Variants in COMT observed in about 807,000 individuals in gnomAD.
COMT encodes catechol-O-methyltransferase, also known as catechol O-methyltransferase.
In COMT, 13 loss-of-function variants were observed where a neutral mutation model predicts 18.9. The ratio of observed to expected loss-of-function variants is 0.69; its 90% confidence interval spans 0.45 to 1.09. The LOEUF is 1.09. Ranked by LOEUF, COMT falls within the 50% of genes least tolerant of loss-of-function variation. The probability of loss-of-function intolerance (pLI) is 0.00; values close to 1 mark genes in which losing one functional copy is unlikely to be tolerated. For synonymous variants in COMT, 150 were observed against 160.9 expected, an observed-to-expected ratio of 0.93 and a Z score of 0.51; for missense variants, 329 against 361.8, an observed-to-expected ratio of 0.91 and a Z score of 0.73.
chr22:19,967,335 T>C, intron 5 of COMT: 1 of 648,138 alleles, frequency 1.5e-6, no homozygotes, highest in South Asian at 1.5e-5. Context: ...GCCTAGGCCA[T>C]TGTCCTCCTC....
intron 1 of COMT, among the ~76,000 whole-genome samples, chr22:19,952,953 AAAATAAAT>A (rs368190455): frequency 0.15 from 20,699 of 139,336 alleles, 1,625 homozygotes; most frequent in Middle Eastern, 0.21. Context: ...CCCGTCTCAA[AAAATAAAT>A]AAATAAATAA....
chr22:19,954,316 T>C (rs1241802720), intron 1 of COMT, among the ~76,000 whole-genome samples: 1 of 151,978 alleles, frequency 6.6e-6, no homozygotes, highest in Non-Finnish European at 1.5e-5. Flanking sequence ...CCTGGCCATC[T>C]GACCTTCCAT....
At chr22:19,948,785 C>T (rs174685) in intron 1 of COMT, among the ~76,000 whole-genome samples, 141,402 of 152,004 alleles carry the variant, frequency 0.93, 66,213 homozygotes, top group African/African-American at 0.99. Context: ...CAAAACCCCA[C>T]CTGTACTAAA....
chr22:19,963,722 C>T lies in COMT; in HGVS notation c.446C>T (p.Thr149Ile), dbSNP rs2047729050. The T allele has an allele frequency of 6.2e-7, 1 of 1,612,700 alleles. No individual in the cohort carries two copies. The highest frequency in any genetic ancestry group is 1.1e-5 in the South Asian group (1 of 91,068). ...ATCAACCCCGACTGTGCCGCCATCA[C>T]CCAGCGGATGGTGGATTTCGCTGGC... ...IEINPDCAAI[T>I]QRMVDFAGVK... Residue 149 changes from threonine to isoleucine, a missense_variant, in exon 4 of 6, where the codon ACC becomes ATC. Coordinates refer to ENST00000361682, the MANE Select transcript of COMT (RefSeq NM_000754.4).
At chr22:19,968,118 A>G (rs924848745) in intron 5 of COMT, among the ~76,000 whole-genome samples, 3 of 152,294 alleles carry the variant, frequency 2.0e-5, no homozygotes, top group South Asian at 2.1e-4. Context: ...GGTCAGGCCA[A>G]TATTGTCTCC....
intron 1 of COMT, among the ~76,000 whole-genome samples, chr22:19,959,272 G>T (rs1050791725): frequency 2.0e-5 from 3 of 152,234 alleles, no homozygotes; most frequent in Admixed American, 6.5e-5. Context: ...CCTGATTCTC[G>T]GCTTTTCAGG....
chr22:19,961,305 G>C lies in COMT; in HGVS notation c.-1+16G>C, dbSNP rs1391013447. The C allele has an allele frequency of 6.6e-6, 1 of 152,558 alleles. No homozygotes were observed. The highest frequency in any genetic ancestry group is 1.5e-5 in the Non-Finnish European group (1 of 68,294). 9.5% of individuals were successfully genotyped at this position (152,558 alleles called of 1,614,324 possible). ...TGCTTTGAAGGTGAGTTGGCCAACG[G>C]AAGCCGGGGCAGTGCCAGGGTGGGT... is the stretch of plus-strand genomic sequence containing the variant. On this transcript the variant is annotated intron_variant, in intron 2 of 5. Transcript: ENST00000361682.
At chr22:19,954,204 A>G (rs146682920) in intron 1 of COMT, among the ~76,000 whole-genome samples, 212 of 123,240 alleles carry the variant, frequency 1.7e-3, no homozygotes, top group African/African-American at 4.0e-3. Flanking sequence ...CCCTTTAGCT[A>G]TTAGGTATTG....
chr22:19,960,477 G>A (rs1391235229), intron 1 of COMT, among the ~76,000 whole-genome samples: 1 of 152,232 alleles, frequency 6.6e-6, no homozygotes, highest in Non-Finnish European at 1.5e-5. Context: ...CTTCCTGCCA[G>A]AATAAGGACA....
chr22:19,968,740 C>CG lies in COMT; in HGVS notation c.*4_*5insG, dbSNP rs1489920198. On this transcript the variant is annotated 3_prime_UTR_variant, in exon 6 of 6. Coordinates refer to ENST00000361682, the MANE Select transcript of COMT (RefSeq NM_000754.4). ...AGGCAGCGAAGCAGGGCCCTGACTG[C>CG]CCCCCCGGCCCCCCTCTCGGGCTCT... 5 of 1,471,596 alleles carry CG rather than the reference C, an allele frequency of 3.4e-6. No homozygotes were observed. The highest frequency in any genetic ancestry group is 4.5e-6 in the Non-Finnish European group (5 of 1,109,238). 91.2% of individuals were successfully genotyped at this position (1,471,596 alleles called of 1,614,324 possible).
chr22:19,962,704 C>T lies in COMT; in HGVS notation c.178C>T (p.Leu60=), dbSNP rs758271838. ...LMGDTKEQRI[L]NHVLQHAEPG... is the part of the protein sequence containing the mutation. ...GGGTGACACCAAGGAGCAGCGCATC[C>T]TGAACCACGTGCTGCAGCATGCGGA... Residue 60 remains leucine, a synonymous_variant, in exon 3 of 6, where the codon CTG becomes TTG. Transcript: ENST00000361682. 7.4e-6 allele frequency: 12 copies of T among 1,613,588 alleles called. No homozygotes were observed. The highest frequency in any genetic ancestry group is 1.0e-5 in the Non-Finnish European group (12 of 1,180,020).
At chr22:19,956,930 T>C (rs866164164) in intron 1 of COMT, among the ~76,000 whole-genome samples, 1 of 151,914 alleles carries the variant, frequency 6.6e-6, no homozygotes, top group South Asian at 2.1e-4. Context: ...TTACTTGCAG[T>C]ATATTTATGG....
intron 1 of COMT, among the ~76,000 whole-genome samples, chr22:19,947,207 C>T (rs926442385): frequency 1.3e-5 from 2 of 151,700 alleles, no homozygotes; most frequent in African/African-American, 2.4e-5. Flanking sequence ...TGAGTCACCG[C>T]GTCCGGCCCT....
intron 1 of COMT, among the ~76,000 whole-genome samples, chr22:19,956,370 CTT>C (rs361698): frequency 2.5e-4 from 12 of 47,346 alleles, no homozygotes; most frequent in East Asian, 1.7e-3. Flanking sequence ...CTTGAGCTCT[CTT>C]TTTTTTTTTT....
chr22:19,944,480 A>G (rs1941802936), intron 1 of COMT, among the ~76,000 whole-genome samples: 1 of 151,788 alleles, frequency 6.6e-6, no homozygotes, highest in Non-Finnish European at 1.5e-5. Flanking sequence ...CAGTAAGCCG[A>G]GATCGCACCA....
intron 1 of COMT, among the ~76,000 whole-genome samples, chr22:19,952,659 C>CA (rs1283213938): frequency 0.074 from 10,153 of 136,468 alleles, 423 homozygotes; most frequent in Non-Finnish European, 0.099. Flanking sequence ...AAAACAACAA[C>CA]AAAAAAAAAA....
rs372972951 is a variant in COMT, at chr22:19,950,194, C to CT, written c.-92+8307dup. Among the ~76,000 whole-genome samples, 354 of 136,774 alleles carry CT rather than the reference C, an allele frequency of 2.6e-3. 2 individuals carry two copies. Among genetic ancestry groups the CT allele is most frequent in the Middle Eastern group, 0.012 (3 of 244 alleles). 89.7% of individuals were successfully genotyped at this position (136,774 alleles called of 152,430 possible). A position where few individuals can be genotyped will look rare whatever the true frequency, so the allele number is the denominator to read the frequency against. On this transcript the variant is annotated intron_variant, in intron 1 of 5. Transcript: ENST00000361682. ...TAGTTTATATAAGAGCTAGTTCTCA[C>CT]TTTTTTTTTTACTCTATTTTATATA...
chr22:19,947,280 T>C (rs1175788835), intron 1 of COMT, among the ~76,000 whole-genome samples: 1 of 150,282 alleles, frequency 6.7e-6, no homozygotes, highest in African/African-American at 2.4e-5. Flanking sequence ...CCCTACAGGG[T>C]CTGTGGGTTT....
intron 1 of COMT, among the ~76,000 whole-genome samples, chr22:19,947,401 G>A (rs1053942000): frequency 3.3e-5 from 5 of 151,632 alleles, no homozygotes; most frequent in Admixed American, 6.6e-5. Context: ...GCGGAGACCA[G>A]TAGTGGCCCC....
Sources: allele counts gnomAD v4.1 joint callset (sites outside exome capture counted in the v4.1 genomes callset), GRCh38; gene constraint gnomAD v4.1.1; transcripts MANE v1.5; gene names NCBI Gene and HGNC (gene_info 2026-07-23, HGNC 2026-07-21).